The following GRM1 variants were observed in gnomAD, a reference collection of about 807,000 sequenced individuals.
GRM1 encodes glutamate metabotropic receptor 1, also known as metabotropic glutamate receptor 1.
In GRM1, 33 loss-of-function variants were observed where a neutral mutation model predicts 90.9. The observed-to-expected ratio is 0.36, with a 90% CI of 0.28 to 0.49. The LOEUF is 0.49. GRM1 is among the 20% of genes least tolerant of loss of function. GRM1 has a pLI of 0.99. For synonymous variants in GRM1, 700 were observed against 613.2 expected, an observed-to-expected ratio of 1.14 and a Z score of -2.09; for missense variants, 1,190 against 1,534.3, an observed-to-expected ratio of 0.78 and a Z score of 3.75.
chr6:146,365,710 C>T (rs187346551), intron 5 of GRM1, among the ~76,000 whole-genome samples: 3 of 152,302 alleles, frequency 2.0e-5, no homozygotes, highest in East Asian at 3.9e-4. Context: ...CAGATAGCTA[C>T]GCCCTTTCCC....
At chr6:146,074,777 G>A (rs964774220) in intron 1 of GRM1, among the ~76,000 whole-genome samples, 1 of 151,976 alleles carries the variant, frequency 6.6e-6, no homozygotes, top group Admixed American at 6.6e-5. Flanking sequence ...TCATAAATCC[G>A]ACACAAATAT....
chr6:146,406,444 T>C (rs1197004921), intron 7 of GRM1, among the ~76,000 whole-genome samples: 1 of 152,134 alleles, frequency 6.6e-6, no homozygotes, highest in African/African-American at 2.4e-5. Flanking sequence ...AAGGGACAAA[T>C]GAGGGAAAGC....
chr6:146,284,949 A>G (rs1415948929), intron 2 of GRM1, among the ~76,000 whole-genome samples: 1 of 152,204 alleles, frequency 6.6e-6, no homozygotes, highest in Non-Finnish European at 1.5e-5. Context: ...ATCAAATGAA[A>G]TATAAAATGC....
At chr6:146,207,849 A>G (rs1157195072) in intron 2 of GRM1, among the ~76,000 whole-genome samples, 1 of 152,158 alleles carries the variant, frequency 6.6e-6, no homozygotes, top group African/African-American at 2.4e-5. Context: ...TATCCCTAAA[A>G]TGGGGTTTGT....
At chr6:146,168,107 T>A (rs1398085445) in intron 2 of GRM1, among the ~76,000 whole-genome samples, 1 of 152,024 alleles carries the variant, frequency 6.6e-6, no homozygotes, top group Non-Finnish European at 1.5e-5. Flanking sequence ...TTGAGAACAT[T>A]TTACTAGAAG....
intron 3 of GRM1, among the ~76,000 whole-genome samples, chr6:146,313,342 T>A (rs1034595685): frequency 5.3e-5 from 8 of 152,210 alleles, no homozygotes; most frequent in Non-Finnish European, 7.3e-5. Context: ...ATTTCTGAAG[T>A]TGAATGGTCT....
At chr6:146,043,782 G>GAGATATATATATATATATAT (rs771296715) in intron 1 of GRM1, among the ~76,000 whole-genome samples, 2 of 89,984 alleles carry the variant, frequency 2.2e-5, no homozygotes, top group East Asian at 5.5e-4. Context: ...AGAGTCAGGT[G>GAGATATATATATATATATAT]ATATATATAT....
chr6:146,049,651 ATATCTATC>A (rs143624231), intron 1 of GRM1, among the ~76,000 whole-genome samples: 13,799 of 147,422 alleles, frequency 0.094, 704 homozygotes, highest in Middle Eastern at 0.15. Context: ...ACCTCCTTTC[ATATCTATC>A]TATCTATCTA....
chr6:146,394,991 C>A (rs1170532206), intron 6 of GRM1, among the ~76,000 whole-genome samples: 3 of 152,028 alleles, frequency 2.0e-5, no homozygotes, highest in African/African-American at 4.8e-5. Context: ...GTTTAATTGG[C>A]CAACTTGTCC....
At chr6:146,362,515 T>G (rs1453949804) in intron 5 of GRM1, among the ~76,000 whole-genome samples, 3 of 151,592 alleles carry the variant, frequency 2.0e-5, no homozygotes, top group Non-Finnish European at 4.4e-5. Context: ...CCATCTCTAC[T>G]AAAAATACAA....
At chr6:146,217,727 T>G (rs1779921825) in intron 2 of GRM1, among the ~76,000 whole-genome samples, 1 of 152,162 alleles carries the variant, frequency 6.6e-6, no homozygotes, top group South Asian at 2.1e-4. Context: ...ATAGTCTATA[T>G]GAAGTGATAG....
intron 7 of GRM1, among the ~76,000 whole-genome samples, chr6:146,431,453 G>C (rs1336195811): frequency 2.0e-5 from 3 of 152,192 alleles, no homozygotes; most frequent in African/African-American, 7.2e-5. Context: ...GGGTGAAGTG[G>C]ATCACATTAG....
chr6:146,305,158 G>A (rs1438758664), intron 3 of GRM1, among the ~76,000 whole-genome samples: 2 of 151,688 alleles, frequency 1.3e-5, no homozygotes, highest in Admixed American at 1.3e-4. Context: ...AACATGTTTA[G>A]GAGACCTTAG....
chr6:146,248,586 G>A (rs1450593965), intron 2 of GRM1, among the ~76,000 whole-genome samples: 1 of 152,208 alleles, frequency 6.6e-6, no homozygotes, highest in Admixed American at 6.5e-5. Context: ...AGCACTGTGA[G>A]TCAATTAAAC....
At chr6:146,266,125 G>T (rs1446387310) in intron 2 of GRM1, among the ~76,000 whole-genome samples, 1 of 152,014 alleles carries the variant, frequency 6.6e-6, no homozygotes, top group Non-Finnish European at 1.5e-5. Context: ...GGAGATGGAA[G>T]TTGCAGTGAG....
intron 1 of GRM1, among the ~76,000 whole-genome samples, chr6:146,123,395 C>A (rs74971537): frequency 0.011 from 1,625 of 152,206 alleles, 27 homozygotes; most frequent in African/African-American, 0.037. Context: ...CCAGGCAAAC[C>A]TTCTTCTAGG....
At chr6:146,086,851 C>T (rs1332966392) in intron 1 of GRM1, among the ~76,000 whole-genome samples, 1 of 151,994 alleles carries the variant, frequency 6.6e-6, no homozygotes. Flanking sequence ...CCAAGTATGT[C>T]TAGCCTCGTG....
At chr6:146,353,806 AT>A (rs1785488097) in intron 4 of GRM1, among the ~76,000 whole-genome samples, 1 of 151,996 alleles carries the variant, frequency 6.6e-6, no homozygotes, top group Non-Finnish European at 1.5e-5. Flanking sequence ...CTTTTTTTGT[AT>A]TTTTAGTAGA....
At chr6:146,300,877 C>G (rs539249692) in intron 2 of GRM1, among the ~76,000 whole-genome samples, 2 of 152,336 alleles carry the variant, frequency 1.3e-5, no homozygotes, top group South Asian at 2.1e-4. Flanking sequence ...CTGGTTTGCT[C>G]TTTTAAAGTG....
Sources: gnomAD v4.1 joint callset for allele counts (sites outside exome capture counted in the v4.1 genomes callset) on GRCh38, gnomAD v4.1.1 for gene constraint, MANE v1.5 for transcripts, NCBI Gene and HGNC (gene_info 2026-07-23, HGNC 2026-07-21) for gene names.